Variants in DDX10 observed in about 807,000 individuals in gnomAD.
DDX10 encodes the protein probable ATP-dependent RNA helicase DDX10.
In DDX10, 74 loss-of-function variants were observed where a neutral mutation model predicts 104.3. The observed-to-expected ratio is 0.71, with a 90% CI of 0.59 to 0.86. DDX10 has a LOEUF of 0.86. DDX10 is among the 40% of genes least tolerant of loss of function. The pLI is 0.00. For synonymous variants in DDX10, 351 were observed against 353.4 expected, an observed-to-expected ratio of 0.99 and a Z score of 0.08; for missense variants, 952 against 1,040.0, an observed-to-expected ratio of 0.92 and a Z score of 1.16.
intron 13 of DDX10, among the ~76,000 whole-genome samples, chr11:108,740,423 T>C (rs759535195): frequency 7.2e-5 from 11 of 152,184 alleles, no homozygotes; most frequent in Non-Finnish European, 1.5e-4. Context: ...GTCTTTGCTA[T>C]TGTGAATAGT....
At chr11:108,717,211 C>A (rs944235354) in intron 11 of DDX10, among the ~76,000 whole-genome samples, 87 of 152,256 alleles carry the variant, frequency 5.7e-4, no homozygotes, top group African/African-American at 2.0e-3. Flanking sequence ...AGAAAGGTCA[C>A]CCTAAGTCGA....
Position 108,665,085 on chromosome 11 carries a change from GGTTCCGT to G in DDX10, c.-67_-61del. ...CGCCTCTGTGCGTTTGTCCCATGCTGGTTCCGTGAGTCTGGCCTTAGGTGTCTCGTGT... is the reference window on the plus strand; with the variant it reads ...CGCCTCTGTGCGTTTGTCCCATGCTGGAGTCTGGCCTTAGGTGTCTCGTGT... On this transcript the variant is annotated 5_prime_UTR_variant, in exon 1 of 18. It removes the in-frame stop codon of an upstream open reading frame in the 5' UTR. Coordinates refer to ENST00000322536, the MANE Select transcript of DDX10 (RefSeq NM_004398.4). 6.8e-7 allele frequency: 1 copy of G among 1,481,068 alleles called. No homozygotes were observed. The highest frequency in any genetic ancestry group is 1.4e-5 in the African/African-American group (1 of 69,260). The allele number at this position is 1,481,068 out of a possible 1,614,324, so 91.7% of individuals were successfully genotyped here. A position where few individuals can be genotyped will look rare whatever the true frequency, so the allele number is the denominator to read the frequency against.
intron 13 of DDX10, among the ~76,000 whole-genome samples, chr11:108,749,837 CTT>C (rs1388167851): frequency 5.9e-5 from 9 of 152,174 alleles, no homozygotes; most frequent in African/African-American, 1.9e-4. Flanking sequence ...TTTTAAGAAA[CTT>C]AGGTAAAACA....
chr11:108,718,471 A>C (rs1374103869), intron 11 of DDX10, among the ~76,000 whole-genome samples: 1 of 152,134 alleles, frequency 6.6e-6, no homozygotes, highest in Non-Finnish European at 1.5e-5. Flanking sequence ...GAAACCTAGG[A>C]GCTTTGGAAG....
At chr11:108,676,510 A>G (rs909758221) in intron 3 of DDX10, among the ~76,000 whole-genome samples, 3 of 152,050 alleles carry the variant, frequency 2.0e-5, no homozygotes, top group East Asian at 1.9e-4. Flanking sequence ...CAGTGGTGCA[A>G]TCTTGGCTCA....
chr11:108,846,333 C>T (rs1862717376), intron 15 of DDX10, among the ~76,000 whole-genome samples: 1 of 152,108 alleles, frequency 6.6e-6, no homozygotes, highest in African/African-American at 2.4e-5. Context: ...AACATGGTCA[C>T]CAAGCTGTGC....
chr11:108,722,957 A>G (rs1221683713), intron 12 of DDX10, 40 bp from the exon 13 acceptor site: 3 of 1,544,232 alleles, frequency 1.9e-6, no homozygotes, highest in Non-Finnish European at 2.6e-6. Context: ...ACATATCATC[A>G]GTGTTGAGAT....
At chr11:108,850,034 T>C (rs1862770501) in intron 15 of DDX10, among the ~76,000 whole-genome samples, 1 of 152,286 alleles carries the variant, frequency 6.6e-6, no homozygotes, top group East Asian at 1.9e-4. Flanking sequence ...CTAATAAAGC[T>C]TTTTCAGATA....
chr11:108,863,781 A>G (rs1016991944), intron 16 of DDX10, among the ~76,000 whole-genome samples: 70 of 152,122 alleles, frequency 4.6e-4, no homozygotes, highest in African/African-American at 1.6e-3. Flanking sequence ...GAGAGAAGAA[A>G]AAAAATATTG....
intron 5 of DDX10, 24 bp downstream of exon 5, chr11:108,678,459 TAA>T (rs761312942): frequency 8.4e-4 from 993 of 1,176,936 alleles, no homozygotes; most frequent in South Asian, 2.1e-3. Flanking sequence ...ATTTCTAATT[TAA>T]AAAAAAAAAA....
intron 16 of DDX10, among the ~76,000 whole-genome samples, chr11:108,905,450 A>T (rs1316649152): frequency 6.6e-6 from 1 of 151,462 alleles, no homozygotes; most frequent in Non-Finnish European, 1.5e-5. Context: ...TATATGGGGG[A>T]GTCCTTTTTT....
rs1311402041 is a variant in DDX10, at chr11:108,858,962, T to G, written c.2304+6753T>G. ...GATGCAGTTCCTTGCTCATAAATAT[T>G]TGTTGATTGACCAAAAAAGTGGATC... is the stretch of plus-strand genomic sequence containing the variant. On this transcript the variant is annotated intron_variant, in intron 16 of 17. Coordinates refer to ENST00000322536, the MANE Select transcript of DDX10 (RefSeq NM_004398.4). Among the ~76,000 whole-genome samples the G allele has an allele frequency of 1.1e-4, 17 of 152,320 alleles. No individual in the cohort carries two copies. The South Asian group carries it at 3.5e-3, about 32-fold the overall frequency.
intron 16 of DDX10, among the ~76,000 whole-genome samples, chr11:108,872,587 A>G (rs1284866998): frequency 6.6e-6 from 1 of 152,200 alleles, no homozygotes; most frequent in Admixed American, 6.5e-5. Context: ...TTTTAACAGC[A>G]AAAATAGGAG....
At chr11:108,933,255 G>A (rs997018257) in intron 17 of DDX10, among the ~76,000 whole-genome samples, 3 of 151,960 alleles carry the variant, frequency 2.0e-5, no homozygotes, top group African/African-American at 7.3e-5. Context: ...CTGAAGGCAA[G>A]CCTGCGGGAT....
At chr11:108,883,851 T>C (rs1027064573) in intron 16 of DDX10, among the ~76,000 whole-genome samples, 5 of 152,190 alleles carry the variant, frequency 3.3e-5, no homozygotes, top group African/African-American at 1.2e-4. Flanking sequence ...TTCAGTAAAC[T>C]TCAGGATATA....
intron 13 of DDX10, among the ~76,000 whole-genome samples, chr11:108,751,337 A>G (rs887120872): frequency 1.3e-5 from 2 of 152,148 alleles, no homozygotes; most frequent in African/African-American, 2.4e-5. Flanking sequence ...AATAAGTTAT[A>G]AAGCAAATAA....
At chr11:108,703,660 C>T (rs1387021006) in intron 9 of DDX10, among the ~76,000 whole-genome samples, 2 of 144,082 alleles carry the variant, frequency 1.4e-5, no homozygotes, top group Non-Finnish European at 3.1e-5. Context: ...ACACTTATTT[C>T]TTATATGTTT....
At chr11:108,763,058 G>A (rs1382140228) in intron 13 of DDX10, among the ~76,000 whole-genome samples, 2 of 152,104 alleles carry the variant, frequency 1.3e-5, no homozygotes, top group Non-Finnish European at 2.9e-5. Flanking sequence ...GCTACTCCCT[G>A]TTCTCATTGA....
chr11:108,733,498 C>T (rs1171398732), intron 13 of DDX10, among the ~76,000 whole-genome samples: 2 of 152,152 alleles, frequency 1.3e-5, no homozygotes, highest in Non-Finnish European at 2.9e-5. Flanking sequence ...TTACCACAGC[C>T]TTGTGTAGTG....
Sources: gnomAD v4.1 joint callset for allele counts (sites outside exome capture counted in the v4.1 genomes callset) on GRCh38, gnomAD v4.1.1 for gene constraint, MANE v1.5 for transcripts, NCBI Gene and HGNC (gene_info 2026-07-23, HGNC 2026-07-21) for gene names.